The following NFATC3 variants were observed in gnomAD, a reference collection of about 807,000 sequenced individuals.
NFATC3 encodes the protein nuclear factor of activated T-cells, cytoplasmic 3.
NFATC3 carries 46 observed loss-of-function variants against 98.6 expected under a neutral mutation model. The ratio of observed to expected loss-of-function variants is 0.47; its 90% CI spans 0.37 to 0.60. NFATC3 has a LOEUF of 0.60. NFATC3 is among the 20% of genes least tolerant of loss of function. The probability of loss-of-function intolerance (pLI) is 0.00; values close to 1 mark genes in which losing one functional copy is unlikely to be tolerated. For missense variants in NFATC3, 1,256 were observed against 1,295.5 expected (o/e 0.97, Z 0.47); for synonymous variants, 512 against 472.2 (o/e 1.08, Z -1.09).
chr16:68,156,960 A>T (rs1362539838), intron 3 of NFATC3, among the ~76,000 whole-genome samples: 5 of 152,198 alleles, frequency 3.3e-5, no homozygotes, highest in Admixed American at 6.5e-5. Flanking sequence ...AAACAAAGCA[A>T]ACTGAAAATA....
intron 2 of NFATC3, among the ~76,000 whole-genome samples, chr16:68,125,957 A>G (rs765073956): frequency 1.4e-4 from 22 of 152,180 alleles, no homozygotes; most frequent in South Asian, 4.1e-4. Flanking sequence ...CAGTGGCGCA[A>G]TCTTGGCTCA....
At chr16:68,117,354 A>G (rs894537450) in intron 1 of NFATC3, among the ~76,000 whole-genome samples, 1 of 152,216 alleles carries the variant, frequency 6.6e-6, no homozygotes, top group Non-Finnish European at 1.5e-5. Flanking sequence ...GATCATATAT[A>G]TCAAATGGTG....
At chr16:68,132,170 A>G (rs1289726684) in intron 3 of NFATC3, among the ~76,000 whole-genome samples, 1 of 152,202 alleles carries the variant, frequency 6.6e-6, no homozygotes, top group African/African-American at 2.4e-5. Flanking sequence ...CAAAATAAAC[A>G]AAATGTATGT....
At chr16:68,220,089 T>A (rs1329527369) in intron 9 of NFATC3, among the ~76,000 whole-genome samples, 1 of 152,224 alleles carries the variant, frequency 6.6e-6, no homozygotes, top group African/African-American at 2.4e-5. Flanking sequence ...ACAGGCAAAT[T>A]CAGGTGTTGG....
At position 68,181,519 on chromosome 16, in the gene NFATC3, A is replaced by G. The variant is rs1174778680; in HGVS notation, c.1960A>G (p.Lys654Glu). 5 of 1,609,588 alleles carry G rather than the reference A, an allele frequency of 3.1e-6. No individual in the cohort carries two copies. The highest frequency in any genetic ancestry group is 1.3e-5 in the African/African-American group (1 of 74,818). ...GGTAGAAGGGAAGATAATCAGGGAA[A>G]AATGTCAAGGGGTAAGAAATTTACC... ...WEVEGKIIRE[K>E]CQGAHIVLEV... Residue 654 changes from lysine (K) to glutamate (E), a missense_variant, in exon 7 of 10, where the codon AAA (lysine) becomes GAA (glutamate). By Grantham distance (56) the Lys-to-Glu change is moderately conservative. Coordinates refer to ENST00000346183, the MANE Select transcript of NFATC3 (RefSeq NM_173165.3).
chr16:68,085,773 C>T lies in NFATC3; in HGVS notation c.92C>T (p.Ser31Leu), dbSNP rs1445076634. The T allele has an allele frequency of 1.3e-6, 2 of 1,493,494 alleles. No individual in the cohort carries two copies. Among genetic ancestry groups the T allele is most frequent in the South Asian group, 1.3e-5 (1 of 79,020 alleles). The allele number at this position is 1,493,494 out of a possible 1,614,324, so 92.5% of individuals were successfully genotyped here. ...GCGCCGGCGCCGCCGCCCCCGGGCT[C>T]GCGGCCTGCAGGTGGGTGCCGGGCC... is the stretch of plus-strand genomic sequence containing the variant. ...DGAPAPPPPG[S>L]RPADLEPDDC... Residue 31 changes from serine (S) to leucine (L), a missense_variant, in exon 1 of 10, where the codon TCG (serine) becomes TTG (leucine). Coordinates refer to ENST00000346183, the MANE Select transcript of NFATC3 (RefSeq NM_173165.3).
chr16:68,191,944 T>G, intron 9 of NFATC3, 169 bp downstream of exon 9: 1 of 710,540 alleles, frequency 1.4e-6, no homozygotes, highest in Non-Finnish European at 2.3e-6. Flanking sequence ...GTACCACGGC[T>G]CACGCCTGTA....
At chr16:68,199,535 T>C (rs1055718139) in intron 9 of NFATC3, among the ~76,000 whole-genome samples, 1 of 148,178 alleles carries the variant, frequency 6.7e-6, no homozygotes, top group Non-Finnish European at 1.5e-5. Flanking sequence ...CAAGACCCTG[T>C]TTAAAAAAAA....
At position 68,140,239 on chromosome 16, in the gene NFATC3, G is replaced by T. The variant is rs149962974; in HGVS notation, c.1401+13629G>T. Among the ~76,000 whole-genome samples, 228 of 152,230 alleles carry T rather than the reference G, an allele frequency of 1.5e-3. 2 individuals are homozygous for T. Among genetic ancestry groups the T allele is most frequent in the African/African-American group, 5.3e-3 (219 of 41,544 alleles). ...GGTCTCGGAACTCCTGGCCTCAGGTGACCCGCCCACGTTGGGATTACTGGC... is the reference window on the plus strand; with the variant it reads ...GGTCTCGGAACTCCTGGCCTCAGGTTACCCGCCCACGTTGGGATTACTGGC... On this transcript the variant is annotated intron_variant, in intron 3 of 9. Transcript: ENST00000346183.
intron 3 of NFATC3, among the ~76,000 whole-genome samples, chr16:68,151,902 C>G (rs1391812867): frequency 6.6e-6 from 1 of 151,902 alleles, no homozygotes. Context: ...AACCCCGTCT[C>G]TACTAAAAAT....
At chr16:68,098,271 C>CTAT (rs1314480778) in intron 1 of NFATC3, among the ~76,000 whole-genome samples, 1,537 of 123,508 alleles carry the variant, frequency 0.012, 32 homozygotes, top group Non-Finnish European at 0.02. Flanking sequence ...AACTTTTTGT[C>CTAT]TATTATTATT....
At chr16:68,187,812 C>T (rs991894202) in intron 8 of NFATC3, among the ~76,000 whole-genome samples, 1 of 152,132 alleles carries the variant, frequency 6.6e-6, no homozygotes, top group Non-Finnish European at 1.5e-5. Flanking sequence ...GAAAAAGCAC[C>T]GTAAGTTCGC....
intron 9 of NFATC3, chr16:68,224,831 C>T (rs1157120807): frequency 6.6e-6 from 1 of 152,090 alleles, no homozygotes; most frequent in Admixed American, 6.5e-5. Context: ...TTGTTTATAA[C>T]AGCTGTAATG....
chr16:68,094,668 T>C (rs1488826152), intron 1 of NFATC3, among the ~76,000 whole-genome samples: 1 of 152,222 alleles, frequency 6.6e-6, no homozygotes, highest in Non-Finnish European at 1.5e-5. Context: ...AAAGCTCTTT[T>C]GTCATACATG....
intron 1 of NFATC3, chr16:68,089,485 C>T (rs1288521676): frequency 6.3e-6 from 1 of 159,746 alleles, no homozygotes; most frequent in Non-Finnish European, 1.3e-5. Flanking sequence ...GGGTTGTATA[C>T]CAACTTTAGT....
chr16:68,170,350 G>A (rs1005799833), intron 5 of NFATC3, among the ~76,000 whole-genome samples: 20 of 136,508 alleles, frequency 1.5e-4, no homozygotes, highest in Non-Finnish European at 2.3e-4. Context: ...AGATCATGCC[G>A]TTGTACTTCA....
intron 9 of NFATC3, chr16:68,224,573 C>CA (rs1172232379): frequency 2.0e-5 from 2 of 99,002 alleles, no homozygotes; most frequent in Non-Finnish European, 3.9e-5. Flanking sequence ...CCGCGCCTGG[C>CA]TTTTTTTTTT....
Position 68,204,627 on chromosome 16 carries a change from G to A in NFATC3, c.3106+12852G>A, listed in dbSNP as rs1305821227. Reference sequence around the variant, plus strand: ...GATTTTCTCACATGTGTTTTTAGTGGCTTCTAAAATAGCTATAATTGATTA... The same window carrying A: ...GATTTTCTCACATGTGTTTTTAGTGACTTCTAAAATAGCTATAATTGATTA... On this transcript the variant is annotated intron_variant, in intron 9 of 9. Transcript: ENST00000346183. Among the ~76,000 whole-genome samples the A allele has an allele frequency of 3.3e-5, 5 of 152,148 alleles. No homozygotes were observed. In the East Asian group the frequency reaches 9.6e-4, roughly 29 times the overall value.
intron 4 of NFATC3, 75 bp downstream of exon 4, chr16:68,158,143 GAATATA>G: frequency 1.1e-6 from 1 of 882,620 alleles, no homozygotes; most frequent in Admixed American, 3.1e-5. Flanking sequence ...ATATATTTTT[GAATATA>G]AATATAAAAT....
Sources: allele counts gnomAD v4.1 joint callset (sites outside exome capture counted in the v4.1 genomes callset), GRCh38; gene constraint gnomAD v4.1.1; transcripts MANE v1.5; gene names NCBI Gene and HGNC (gene_info 2026-07-23, HGNC 2026-07-21).